RIOK3: variants seen among roughly 807,000 people sequenced by gnomAD.
RIOK3 encodes serine/threonine-protein kinase RIO3.
Under a neutral mutation model 63.5 loss-of-function variants are expected in RIOK3, and 40 were observed. The ratio of observed to expected loss-of-function variants is 0.63; its 90% CI spans 0.49 to 0.82. The LOEUF is 0.82. Among genes scored for constraint, RIOK3 ranks in the 40% least tolerant of loss-of-function variants. RIOK3 has a pLI of 0.00. For missense variants in RIOK3, 557 were observed against 637.0 expected (o/e 0.87, Z 1.35); for synonymous variants, 193 against 205.0 (o/e 0.94, Z 0.50).
intron 8 of RIOK3, among the ~76,000 whole-genome samples, chr18:23,473,879 C>T (rs2057472625): frequency 6.6e-6 from 1 of 152,278 alleles, no homozygotes; most frequent in East Asian, 1.9e-4. Context: ...TTGCTTTTAT[C>T]ACGAAGTAAA....
Position 23,482,021 on chromosome 18 carries a change from G to C in RIOK3, c.*742G>C, listed in dbSNP as rs1460022195. The C allele has an allele frequency of 2.0e-5, 3 of 152,214 alleles. No homozygotes were observed. The East Asian group carries it at 5.8e-4, about 29-fold the overall frequency. 9.4% of individuals were successfully genotyped at this position (152,214 alleles called of 1,614,324 possible). ...TGGTTAGGATATAACTCATGGTGTG[G>C]CTAATCTACATTTATCAATAAAATG... On this transcript the variant is annotated 3_prime_UTR_variant, in exon 13 of 13. Coordinates refer to ENST00000339486, the MANE Select transcript of RIOK3 (RefSeq NM_003831.5).
intron 1 of RIOK3, among the ~76,000 whole-genome samples, chr18:23,455,041 C>CTTCCTTTCTTTTCT (rs1351510594): frequency 2.7e-5 from 4 of 148,212 alleles, no homozygotes; most frequent in Admixed American, 1.4e-4. Context: ...CCTTTCTTTC[C>CTTCCTTTCTTTTCT]TTCCTTTCTT....
chr18:23,464,311 C>G lies in RIOK3; in HGVS notation c.431C>G (p.Pro144Arg), dbSNP rs2145678526. Reference protein sequence around the residue: ...WQDTRDDPYRPAKPVPTPKKG... With the variant: ...WQDTRDDPYRRAKPVPTPKKG... ...GATACTCGTGATGATCCCTACAGACCAGGTACCAAAGTTTTTACTTTCTGG... is the reference window on the plus strand; with the variant it reads ...GATACTCGTGATGATCCCTACAGACGAGGTACCAAAGTTTTTACTTTCTGG... Residue 144 changes from proline to arginine, a missense_variant and splice_region_variant, in exon 4 of 13, where the codon CCA becomes CGA. Physicochemically the swap from Pro to Arg is moderately radical, Grantham distance 103. Around this residue, in one of 3 missense-constraint regions of RIOK3, gnomAD observed 243 missense variants for 275.4 expected, o/e 0.88. Transcript: ENST00000339486. The G allele has an allele frequency of 6.2e-7, 1 of 1,609,038 alleles. No individual in the cohort carries two copies. Among genetic ancestry groups the G allele is most frequent in the East Asian group, 2.2e-5 (1 of 44,864 alleles).
At chr18:23,471,290 A>T (rs2057454811) in intron 7 of RIOK3, among the ~76,000 whole-genome samples, 1 of 152,244 alleles carries the variant, frequency 6.6e-6, no homozygotes, top group South Asian at 2.1e-4. Flanking sequence ...ATCAAAGATC[A>T]GGTGGATGGG....
intron 11 of RIOK3, 111 bp downstream of exon 11, chr18:23,477,379 A>C (rs1318791088): frequency 2.4e-6 from 2 of 823,856 alleles, no homozygotes; most frequent in Non-Finnish European, 4.2e-6. Context: ...GAAGGAAGGG[A>C]TACGGGCTGC....
chr18:23,469,364 TCCCTCCCTCCCTCCCCTCCCTCCC>T (rs2057436670), intron 7 of RIOK3, among the ~76,000 whole-genome samples: 1 of 3,110 alleles, frequency 3.2e-4, no homozygotes, highest in African/African-American at 1.1e-3. Flanking sequence ...TCTCCCTCCC[TCCCTCCCTCCCTCCCCTCCCTCCC>T]CTCTCTCCTC....
chr18:23,468,614 A>G (rs1311186233), intron 7 of RIOK3, among the ~76,000 whole-genome samples: 1 of 152,158 alleles, frequency 6.6e-6, no homozygotes, highest in East Asian at 1.9e-4. Context: ...GGTATACTTA[A>G]TATACTCTAA....
chr18:23,469,127 C>A (rs2057430218), intron 7 of RIOK3, among the ~76,000 whole-genome samples: 1 of 152,190 alleles, frequency 6.6e-6, no homozygotes, highest in South Asian at 2.1e-4. Context: ...TCTGCTAAGA[C>A]TGAGACTTAG....
At chr18:23,461,489 G>A (rs189459759) in intron 1 of RIOK3, among the ~76,000 whole-genome samples, 4 of 152,330 alleles carry the variant, frequency 2.6e-5, no homozygotes, top group African/African-American at 9.6e-5. Context: ...CCCAGCGAAT[G>A]GGATACCTTG....
chr18:23,473,554 A>T lies in RIOK3; in HGVS notation c.941A>T (p.Asp314Val). The change falls in exon 8 of 13, where the codon GAT becomes GTT. Residue 314 changes from aspartate to valine, a missense_variant. Asp to Val is a radical substitution (Grantham distance 152, BLOSUM62 -3). This residue lies in a region of RIOK3 where 309 missense variants were observed against 338.7 expected (regional missense o/e 0.91). Coordinates refer to ENST00000339486, the MANE Select transcript of RIOK3 (RefSeq NM_003831.5). ...KYIKDDFRFK[D>V]RFSKLNPRKI... Reference sequence around the variant, plus strand: ...ATTAAAGATGATTTCAGGTTTAAAGATCGCTTCAGTAAACTAAATCCACGT... The same window carrying T: ...ATTAAAGATGATTTCAGGTTTAAAGTTCGCTTCAGTAAACTAAATCCACGT... 6.2e-7 allele frequency: 1 copy of T among 1,613,762 alleles called. No individual in the cohort carries two copies. Among genetic ancestry groups the T allele is most frequent in the Non-Finnish European group, 8.5e-7 (1 of 1,179,754 alleles).
At chr18:23,479,180 T>G in intron 11 of RIOK3, 137 bp from the exon 12 acceptor site, 1 of 554,460 alleles carries the variant, frequency 1.8e-6, no homozygotes, top group East Asian at 2.9e-5. Flanking sequence ...TGAGTTGAAA[T>G]TACTGTGTGT....
chr18:23,455,001 CTTCCTTCCTTCCT>C (rs1346962469), intron 1 of RIOK3, among the ~76,000 whole-genome samples: 9 of 151,360 alleles, frequency 5.9e-5, no homozygotes, highest in African/African-American at 2.2e-4. Flanking sequence ...TCTTTCCTTC[CTTCCTTCCTTCCT>C]TTCCTTCCTT....
rs545439014 is a variant in RIOK3, at chr18:23,461,484, C to T, written c.64-1480C>T. On this transcript the variant is annotated intron_variant, in intron 1 of 12. Transcript: ENST00000339486. The stretch of plus-strand genomic sequence containing the variant: ...TTAGGATGCTCTGAAAGTAACCCAG[C>T]GAATGGGATACCTTGGAGTAGAATT... Among the ~76,000 whole-genome samples, 8 of 152,216 alleles carry T rather than the reference C, an allele frequency of 5.3e-5. No homozygotes were observed. In the East Asian group the frequency reaches 5.8e-4, roughly 11 times the overall value.
At chr18:23,472,780 C>G (rs1172343432) in intron 7 of RIOK3, among the ~76,000 whole-genome samples, 1 of 152,178 alleles carries the variant, frequency 6.6e-6, no homozygotes, top group African/African-American at 2.4e-5. Flanking sequence ...TTCATTATCT[C>G]TCTCCAGCCA....
rs933950119 is a variant in RIOK3 at position 23,481,346 on chromosome 18, A to G, written c.*67A>G. 22 of 1,023,244 alleles carry G rather than the reference A, an allele frequency of 2.2e-5. No individual in the cohort carries two copies. The highest frequency in any genetic ancestry group is 3.0e-5 in the Non-Finnish European group (21 of 697,590). 63.4% of individuals were successfully genotyped at this position (1,023,244 alleles called of 1,614,324 possible). A position where few individuals can be genotyped will look rare whatever the true frequency, so the allele number is the denominator to read the frequency against. ...TCAGCTGCCAATAGCAAATGAAGTT[A>G]TGGGTGACTTGAAATACCAAAACCT... On this transcript the variant is annotated 3_prime_UTR_variant, in exon 13 of 13. Coordinates refer to ENST00000339486, the MANE Select transcript of RIOK3 (RefSeq NM_003831.5).
rs1555621688 is a variant in RIOK3, at chr18:23,480,555, G to GCACGCACA, written c.1453-614_1453-613insGCACACAC. Among the ~76,000 whole-genome samples the GCACGCACA allele has an allele frequency of 3.5e-3, 492 of 142,088 alleles. 2 individuals carry two copies. Among genetic ancestry groups the GCACGCACA allele is most frequent in the Middle Eastern group, 0.011 (3 of 282 alleles). The allele number at this position is 142,088 out of a possible 152,430, so 93.2% of individuals were successfully genotyped here. A position where few individuals can be genotyped will look rare whatever the true frequency, so the allele number is the denominator to read the frequency against. On this transcript the variant is annotated intron_variant, in intron 12 of 12. Transcript: ENST00000339486. The stretch of plus-strand genomic sequence containing the variant: ...ACTATTTGTGTATACTTGGATGCAC[G>GCACGCACA]CACACACACACACACACACACACAC...
chr18:23,475,482 T>TAAAAAAAAA (rs1598814695), intron 9 of RIOK3, among the ~76,000 whole-genome samples: 2 of 119,740 alleles, frequency 1.7e-5, no homozygotes, highest in Admixed American at 9.6e-5. Context: ...AAAAAAAAAT[T>TAAAAAAAAA]AAAAATTAGC....
At chr18:23,469,324 T>C (rs1598810400) in intron 7 of RIOK3, among the ~76,000 whole-genome samples, 3 of 30,896 alleles carry the variant, frequency 9.7e-5, no homozygotes, top group African/African-American at 4.4e-4. Flanking sequence ...TCTCTCTCTC[T>C]CTCTCTCTCT....
intron 11 of RIOK3, among the ~76,000 whole-genome samples, chr18:23,477,864 G>A (rs528028439): frequency 1.1e-4 from 17 of 151,824 alleles, no homozygotes; most frequent in East Asian, 7.7e-4. Flanking sequence ...GAGGTCAGGA[G>A]TTCAAGACCA....
Sources: gnomAD v4.1 joint callset for allele counts (sites outside exome capture counted in the v4.1 genomes callset) on GRCh38, gnomAD v4.1.1 for gene constraint, gnomAD v4.1.1 regional missense constraint, MANE v1.5 for transcripts, NCBI Gene and HGNC (gene_info 2026-07-23, HGNC 2026-07-21) for gene names.